HNRNPH2: variants seen among roughly 807,000 people sequenced by gnomAD.
HNRNPH2 encodes the protein FTP-3.
For synonymous variants in HNRNPH2, 128 were observed against 128.2 expected (o/e 1.00, Z 0.01); for missense variants, 115 against 352.9 (o/e 0.33, Z 5.40).
At chrX:101,409,046 C>T (rs1370965439) in intron 1 of HNRNPH2, among the ~76,000 whole-genome samples, 1 of 107,945 alleles carries the variant, frequency 9.3e-6, no homozygotes, top group African/African-American at 3.4e-5. Flanking sequence ...CCAGGAGACG[C>T]AGTAATGAAG....
In HNRNPH2 at chrX:101,412,870, G is replaced by A. The variant is rs1439388126; in HGVS notation, c.882G>A (p.Arg294=). ...QSTTGHCVHM[R]GLPYRATEND... The stretch of plus-strand genomic sequence containing the variant: ...CCACAGGGCACTGTGTACACATGAG[G>A]GGGTTACCTTACAGAGCCACTGAGA... The change falls in exon 2 of 2, where the codon AGG becomes AGA. Residue 294 remains arginine, a synonymous_variant. Transcript: ENST00000316594. 1 of 1,206,909 alleles carries A rather than the reference G, an allele frequency of 8.3e-7. No homozygotes were observed. The highest frequency in any genetic ancestry group is 1.8e-5 in the African/African-American group (1 of 56,982).
At chrX:101,408,452 C>G (rs940510207) in intron 1 of HNRNPH2, 133 bp downstream of exon 1, 9 of 153,811 alleles carry the variant, frequency 5.9e-5, no homozygotes, top group African/African-American at 2.9e-4. Context: ...TCCTCCCCCC[C>G]ATCTCAGTGC....
At chrX:101,410,339 T>A (rs368346499) in intron 1 of HNRNPH2, among the ~76,000 whole-genome samples, 1 of 112,336 alleles carries the variant, frequency 8.9e-6, no homozygotes, top group Admixed American at 9.4e-5. Flanking sequence ...AAATAGTTTA[T>A]ATCAATTATC....
rs1555987385 is a variant in HNRNPH2 at position 101,408,296 on chromosome X, GAAAATTA to G, written c.-76_-70del. 2 of 251,405 alleles carry G rather than the reference GAAAATTA, an allele frequency of 8.0e-6. No individual in the cohort carries two copies. The highest frequency in any genetic ancestry group is 2.8e-5 in the African/African-American group (1 of 35,214). 20.7% of individuals were successfully genotyped at this position (251,405 alleles called of 1,213,427 possible). On this transcript the variant is annotated 5_prime_UTR_variant, in exon 1 of 2. Coordinates refer to ENST00000316594, the MANE Select transcript of HNRNPH2 (RefSeq NM_019597.5). ...TATAGCCGTTTGAGGGAAGAAGGAGGAAAATTACCCGGTATCGTTAGAGGTTGGTGTG... is the reference window on the plus strand; with the variant it reads ...TATAGCCGTTTGAGGGAAGAAGGAGGCCCGGTATCGTTAGAGGTTGGTGTG...
At chrX:101,410,022 T>C (rs1332282468) in intron 1 of HNRNPH2, among the ~76,000 whole-genome samples, 2 of 112,176 alleles carry the variant, frequency 1.8e-5, no homozygotes, top group Non-Finnish European at 3.8e-5. Context: ...ATTCTAGCAG[T>C]GTCAAAGGGT....
chrX:101,411,739 T>C (rs911043599), intron 1 of HNRNPH2, among the ~76,000 whole-genome samples, 197 bp from the exon 2 acceptor site: 1 of 111,360 alleles, frequency 9.0e-6, no homozygotes, highest in Admixed American at 9.6e-5. Context: ...TTTAATGGTA[T>C]CTAACACGTA....
Position 101,412,856 on chromosome X carries a change from T to C in HNRNPH2, c.868T>C (p.Cys290Arg). The C allele has an allele frequency of 8.3e-7, 1 of 1,209,669 alleles. No individual in the cohort carries two copies. Among genetic ancestry groups the C allele is most frequent in the Non-Finnish European group, 1.1e-6 (1 of 893,584 alleles). ...CAGTTTCCAGAGCACCACAGGGCAC[T>C]GTGTACACATGAGGGGGTTACCTTA... Reference protein sequence around the residue: ...GSSFQSTTGHCVHMRGLPYRA... With the variant: ...GSSFQSTTGHRVHMRGLPYRA... The change falls in exon 2 of 2, where the codon TGT becomes CGT. Residue 290 changes from cysteine to arginine, a missense_variant. Physicochemically the swap from Cys to Arg is radical, Grantham distance 180. Transcript: ENST00000316594.
chrX:101,412,906 T>C lies in HNRNPH2; in HGVS notation c.918T>C (p.Tyr306=), dbSNP rs1928850506. The change falls in exon 2 of 2, where the codon TAT becomes TAC. Residue 306 remains tyrosine (Y), a synonymous_variant. Coordinates refer to ENST00000316594, the MANE Select transcript of HNRNPH2 (RefSeq NM_019597.5). ...ACAGAGCCACTGAGAATGATATTTATAATTTCTTCTCACCTCTTAATCCCA... is the reference window on the plus strand; with the variant it reads ...ACAGAGCCACTGAGAATGATATTTACAATTTCTTCTCACCTCTTAATCCCA... ...LPYRATENDI[Y]NFFSPLNPMR... 1.2e-5 allele frequency: 15 copies of C among 1,207,858 alleles called. No homozygotes were observed. The East Asian group carries it at 4.1e-4, about 33-fold the overall frequency.
chrX:101,412,642 G>T lies in HNRNPH2; in HGVS notation c.654G>T (p.Gly218=), dbSNP rs782577259. 3 of 1,209,536 alleles carry T rather than the reference G, an allele frequency of 2.5e-6. No homozygotes were observed. Among genetic ancestry groups the T allele is most frequent in the East Asian group, 5.9e-5 (2 of 33,802 alleles). Residue 218 remains glycine, a synonymous_variant, in exon 2 of 2, where the codon GGG becomes GGT. Coordinates refer to ENST00000316594, the MANE Select transcript of HNRNPH2 (RefSeq NM_019597.5). ...GPYDRPGAGR[G]YNSIGRGAGF... ...ATGATAGGCCGGGGGCTGGCAGAGGGTATAATAGCATTGGCAGAGGAGCTG... is the reference window on the plus strand; with the variant it reads ...ATGATAGGCCGGGGGCTGGCAGAGGTTATAATAGCATTGGCAGAGGAGCTG...
At position 101,412,963 on chromosome X, in the gene HNRNPH2, C is replaced by T. The variant is rs181881973; in HGVS notation, c.975C>T (p.Gly325=). Residue 325 remains glycine, a synonymous_variant, in exon 2 of 2, where the codon GGC becomes GGT. Coordinates refer to ENST00000316594, the MANE Select transcript of HNRNPH2 (RefSeq NM_019597.5). ...MRVHIEIGPD[G]RVTGEADVEF... ...TACATATTGAAATTGGACCCGATGG[C>T]AGAGTTACCGGTGAGGCAGATGTTG... 3.1e-5 allele frequency: 38 copies of T among 1,209,228 alleles called. No homozygotes were observed. In the Admixed American group the frequency reaches 7.7e-4, roughly 24 times the overall value.
Position 101,412,427 on chromosome X carries a change from T to C in HNRNPH2, c.439T>C (p.Phe147Leu). 1 of 1,212,074 alleles carries C rather than the reference T, an allele frequency of 8.3e-7. No individual in the cohort carries two copies. The highest frequency in any genetic ancestry group is 1.1e-6 in the Non-Finnish European group (1 of 895,462). Reference sequence around the variant, plus strand: ...AAATGGGATGACACTGCCAGTGGACTTTCAGGGGCGAAGCACAGGGGAAGC... The same window carrying C: ...AAATGGGATGACACTGCCAGTGGACCTTCAGGGGCGAAGCACAGGGGAAGC... ...VPNGMTLPVDFQGRSTGEAFV... is the reference protein window; with the variant it reads ...VPNGMTLPVDLQGRSTGEAFV... Residue 147 changes from phenylalanine to leucine, a missense_variant, in exon 2 of 2, where the codon TTT (phenylalanine) becomes CTT (leucine). Coordinates refer to ENST00000316594, the MANE Select transcript of HNRNPH2 (RefSeq NM_019597.5).
rs1928869069 is a variant in HNRNPH2 at position 101,413,458 on chromosome X, G to C, written c.*120G>C. On this transcript the variant is annotated 3_prime_UTR_variant, in exon 2 of 2. Transcript: ENST00000316594. ...TGATTGGTAAATGGGAAATATAATT[G>C]ATTCTGATCACTCTTGGTCAGCTTC... 2 of 569,047 alleles carry C rather than the reference G, an allele frequency of 3.5e-6. No homozygotes were observed. Among genetic ancestry groups the C allele is most frequent in the African/African-American group, 4.7e-5 (2 of 43,006 alleles). 46.9% of individuals were successfully genotyped at this position (569,047 alleles called of 1,213,427 possible). A position where few individuals can be genotyped will look rare whatever the true frequency, so the allele number is the denominator to read the frequency against.
intron 1 of HNRNPH2, 74 bp from the exon 2 acceptor site, chrX:101,411,862 A>T: frequency 9.7e-7 from 1 of 1,030,658 alleles, no homozygotes; most frequent in Non-Finnish European, 1.3e-6. Context: ...ATTTTCTATT[A>T]ATAGTTTGCT....
At chrX:101,411,868 T>G in intron 1 of HNRNPH2, 68 bp from the exon 2 acceptor site, 3 of 1,053,258 alleles carry the variant, frequency 2.8e-6, no homozygotes, top group Non-Finnish European at 3.8e-6. Flanking sequence ...TATTAATAGT[T>G]TGCTTTTTTC....
intron 1 of HNRNPH2, among the ~76,000 whole-genome samples, chrX:101,409,825 G>A (rs374454900): frequency 1.8e-5 from 2 of 111,832 alleles, no homozygotes; most frequent in Non-Finnish European, 3.8e-5. Context: ...GTATTTTGGA[G>A]ATCTTTCTGG....
intron 1 of HNRNPH2, among the ~76,000 whole-genome samples, chrX:101,410,435 A>C (rs1928747791): frequency 8.9e-6 from 1 of 112,100 alleles, no homozygotes; most frequent in Non-Finnish European, 1.9e-5. Context: ...ATGGGTGAAA[A>C]ATAACGATTA....
intron 1 of HNRNPH2, among the ~76,000 whole-genome samples, chrX:101,409,749 G>A (rs1427655161): frequency 1.8e-5 from 2 of 110,573 alleles, no homozygotes; most frequent in East Asian, 2.8e-4. Flanking sequence ...ATTTACATAC[G>A]TATATACATG....
rs782006919 is a variant in HNRNPH2 at position 101,412,036 on chromosome X, G to A, written c.48G>A (p.Arg16=). Reference sequence around the variant, plus strand: ...GGGAGGGGTTCGTGGTGAAGGTCAGGGGCCTACCCTGGTCCTGCTCAGCCG... The same window carrying A: ...GGGAGGGGTTCGTGGTGAAGGTCAGAGGCCTACCCTGGTCCTGCTCAGCCG... ...EGREGFVVKV[R]GLPWSCSADE... The change falls in exon 2 of 2, where the codon AGG becomes AGA. Residue 16 remains arginine, a synonymous_variant. Coordinates refer to ENST00000316594, the MANE Select transcript of HNRNPH2 (RefSeq NM_019597.5). The A allele has an allele frequency of 2.8e-5, 34 of 1,207,642 alleles. No individual in the cohort carries two copies. Among genetic ancestry groups the A allele is most frequent in the Middle Eastern group, 2.3e-4 (1 of 4,373 alleles).
rs1427555426 is a variant in HNRNPH2 at position 101,413,652 on chromosome X, A to G, written c.*314A>G. ...AACATTCATCTAGGACATAATAACAAAGTTCAGTATTGACCATAACTGTTA... is the reference window on the plus strand; with the variant it reads ...AACATTCATCTAGGACATAATAACAGAGTTCAGTATTGACCATAACTGTTA... On this transcript the variant is annotated 3_prime_UTR_variant, in exon 2 of 2. Transcript: ENST00000316594. 5 of 214,732 alleles carry G rather than the reference A, an allele frequency of 2.3e-5. No individual in the cohort carries two copies. The highest frequency in any genetic ancestry group is 1.5e-4 in the South Asian group (1 of 6,665). The allele number at this position is 214,732 out of a possible 1,213,427, so 17.7% of individuals were successfully genotyped here. A position where few individuals can be genotyped will look rare whatever the true frequency, so the allele number is the denominator to read the frequency against.
Sources: gnomAD v4.1 joint callset for allele counts (sites outside exome capture counted in the v4.1 genomes callset) on GRCh38, gnomAD v4.1.1 for gene constraint, MANE v1.5 for transcripts, NCBI Gene and HGNC (gene_info 2026-07-23, HGNC 2026-07-21) for gene names.